Variants in IRS1 observed in about 807,000 individuals in gnomAD.
IRS1 encodes the protein insulin receptor substrate 1.
Under a neutral mutation model 65.6 loss-of-function variants are expected in IRS1, and 34 were observed. The observed-to-expected ratio is 0.52, with a 90% CI of 0.39 to 0.69. IRS1 has a LOEUF of 0.69. Ranked by LOEUF, IRS1 falls within the 30% of genes least tolerant of loss-of-function variation. The pLI, the probability that IRS1 is intolerant of heterozygous loss-of-function variation, is 0.00. For missense variants in IRS1, 1,641 were observed against 1,720.2 expected (o/e 0.95, Z 0.81); for synonymous variants, 699 against 683.5 (o/e 1.02, Z -0.35).
rs750151269 is a variant in IRS1 at position 226,796,792 on chromosome 2, G to A, written c.1947C>T (p.Pro649=). The A allele has an allele frequency of 2.5e-6, 4 of 1,581,994 alleles. No individual in the cohort carries two copies. The highest frequency in any genetic ancestry group is 2.4e-5 in the South Asian group (2 of 84,680). ...SVSAPQQIIN[P]IRRHPQRVDP... is the part of the protein sequence containing the mutation. ...CCACTCTCTGGGGATGGCGTCTGAT[G>A]GGATTGATGATCTGCTGTGGGGCAG... Residue 649 remains proline (P), a synonymous_variant, in exon 1 of 2, where the codon CCC becomes CCT. Transcript: ENST00000305123.
intron 1 of IRS1, among the ~76,000 whole-genome samples, chr2:226,760,045 G>A (rs747980994): frequency 1.3e-4 from 20 of 152,228 alleles, no homozygotes; most frequent in Middle Eastern, 3.4e-3. Context: ...GTGTGGTGGC[G>A]CATGCCTGTA....
intron 1 of IRS1, among the ~76,000 whole-genome samples, chr2:226,743,634 A>C (rs1938484717): frequency 6.6e-6 from 1 of 152,330 alleles, no homozygotes; most frequent in South Asian, 2.1e-4. Context: ...TGTCATACGA[A>C]TGTCTTTCTT....
chr2:226,741,818 C>CACACACAA (rs1490237213), intron 1 of IRS1, among the ~76,000 whole-genome samples: 1 of 136,610 alleles, frequency 7.3e-6, no homozygotes. Flanking sequence ...CACACACACA[C>CACACACAA]ACACACACAT....
chr2:226,759,183 G>T (rs1280764825), intron 1 of IRS1, among the ~76,000 whole-genome samples: 1 of 152,214 alleles, frequency 6.6e-6, no homozygotes, highest in African/African-American at 2.4e-5. Flanking sequence ...CACCCATGTG[G>T]TTTTGAAAGA....
At chr2:226,737,613 CA>C (rs1351097329) in intron 1 of IRS1, among the ~76,000 whole-genome samples, 1 of 152,134 alleles carries the variant, frequency 6.6e-6, no homozygotes, top group Non-Finnish European at 1.5e-5. Context: ...GAAAGGAAGG[CA>C]AGTTCTGTTC....
chr2:226,795,552 G>A lies in IRS1; in HGVS notation c.3187C>T (p.Pro1063Ser). ...GCGCTCATGCCCCCAGGTCCTTGTG[G>A]GCCCCCCAGCAGGGACGAGTGGGCA... ...LAAHSSLLGG[P>S]QGPGGMSAFT... The change falls in exon 1 of 2, where the codon CCA becomes TCA. Residue 1063 changes from proline to serine, a missense_variant. By Grantham distance (74) the Pro-to-Ser change is moderately conservative (BLOSUM62 -1). Transcript: ENST00000305123. 6.2e-7 allele frequency: 1 copy of A among 1,613,068 alleles called. No homozygotes were observed. The highest frequency in any genetic ancestry group is 8.5e-7 in the Non-Finnish European group (1 of 1,179,988).
At position 226,797,335 on chromosome 2, in the gene IRS1, C is replaced by T. The variant is rs1226141763; in HGVS notation, c.1404G>A (p.Met468Ile). Residue 468 changes from methionine (M) to isoleucine (I), a missense_variant, in exon 1 of 2, where the codon ATG becomes ATA. Met to Ile is a conservative substitution (Grantham distance 10, BLOSUM62 1). This residue lies in a region of IRS1 where 1,324 missense variants were observed against 1,361.0 expected (regional missense o/e 0.97). Coordinates refer to ENST00000305123, the MANE Select transcript of IRS1 (RefSeq NM_005544.3). This position sits in a 1 kb window ranked among gnomAD's most constrained non-coding sequence, Gnocchi z 8.1. ...TCAGGGTGGAGGGCCCCTTGCCACC[C>T]ATGCAGATATAGTTGCTTAGCTCCT... ...GEEELSNYICMGGKGPSTLTA... is the reference protein window; with the variant it reads ...GEEELSNYICIGGKGPSTLTA... 1.7e-5 allele frequency: 27 copies of T among 1,613,402 alleles called. No homozygotes were observed. In the East Asian group the frequency reaches 5.8e-4, roughly 35 times the overall value.
intron 1 of IRS1, among the ~76,000 whole-genome samples, chr2:226,747,713 A>G (rs913373852): frequency 1.3e-5 from 2 of 152,176 alleles, no homozygotes; most frequent in African/African-American, 2.4e-5. Context: ...AAACACGCTC[A>G]TGAGGCTCAA....
intron 1 of IRS1, among the ~76,000 whole-genome samples, chr2:226,766,163 A>ATATATATTTTTT (rs58592685): frequency 2.2e-4 from 1 of 4,596 alleles, no homozygotes; most frequent in African/African-American, 5.5e-4. Context: ...ATATATATAT[A>ATATATATTTTTT]TTTTTTTTTT....
At chr2:226,746,058 G>T (rs1435706825) in intron 1 of IRS1, among the ~76,000 whole-genome samples, 2 of 151,324 alleles carry the variant, frequency 1.3e-5, no homozygotes, top group Non-Finnish European at 2.9e-5. Context: ...TAGCATTCAC[G>T]TACAAAGGGG....
chr2:226,794,040 A>G lies in IRS1; in HGVS notation c.*21+949T>C, dbSNP rs886292391. ...GTATACAGTTTAGCCCTTCTACTCA[A>G]TGCAAAACAAAACAAATTAAGGCAT... On this transcript the variant is annotated intron_variant, in intron 1 of 1. Coordinates refer to ENST00000305123, the MANE Select transcript of IRS1 (RefSeq NM_005544.3). The surrounding 1 kb of genome is among the most constrained non-coding windows in gnomAD (Gnocchi z 4.1). 1.3e-5 allele frequency among the ~76,000 whole-genome samples: 2 copies of G among 152,240 alleles called. No individual in the cohort carries two copies. The highest frequency in any genetic ancestry group is 4.8e-5 in the African/African-American group (2 of 41,456).
At chr2:226,759,723 T>A (rs1472961922) in intron 1 of IRS1, among the ~76,000 whole-genome samples, 1 of 152,152 alleles carries the variant, frequency 6.6e-6, no homozygotes, top group Non-Finnish European at 1.5e-5. Context: ...TTGATATAAC[T>A]TAAAACTACA....
At chr2:226,789,308 G>T (rs913819940) in intron 1 of IRS1, among the ~76,000 whole-genome samples, 1 of 152,150 alleles carries the variant, frequency 6.6e-6, no homozygotes, top group Non-Finnish European at 1.5e-5. Context: ...GGACAAAAAA[G>T]GTCGGAGCTT....
rs776597605 is a variant in IRS1 at position 226,794,360 on chromosome 2, TGA to T, written c.*21+627_*21+628del. ...AGAACGTCACCCATAATTACTTTCT[TGA>T]GAGATCACAAAATAGATAGGTACTT... On this transcript the variant is annotated intron_variant, in intron 1 of 1. Coordinates refer to ENST00000305123, the MANE Select transcript of IRS1 (RefSeq NM_005544.3). The surrounding 1 kb of genome is among the most constrained non-coding windows in gnomAD (Gnocchi z 4.1). Among the ~76,000 whole-genome samples, 81 of 152,224 alleles carry T rather than the reference TGA, an allele frequency of 5.3e-4. No individual in the cohort carries two copies. Among genetic ancestry groups the T allele is most frequent in the South Asian group, 6.2e-4 (3 of 4,824 alleles).
chr2:226,743,801 A>T (rs1330836177), intron 1 of IRS1, among the ~76,000 whole-genome samples: 4 of 152,154 alleles, frequency 2.6e-5, no homozygotes, highest in African/African-American at 7.2e-5. Context: ...TCTGGCTTTG[A>T]TACAAACCAG....
intron 1 of IRS1, among the ~76,000 whole-genome samples, chr2:226,743,972 T>C (rs962866365): frequency 2.6e-5 from 4 of 152,252 alleles, no homozygotes; most frequent in Non-Finnish European, 5.9e-5. Context: ...CTTTGCCCTC[T>C]CCCTGGAGTC....
At chr2:226,783,771 T>C (rs1166547422) in intron 1 of IRS1, among the ~76,000 whole-genome samples, 1 of 152,210 alleles carries the variant, frequency 6.6e-6, no homozygotes, top group Non-Finnish European at 1.5e-5. Context: ...GTATCTCTAT[T>C]TTATCCCCTT....
At chr2:226,779,390 A>G (rs1939337656) in intron 1 of IRS1, among the ~76,000 whole-genome samples, 1 of 152,236 alleles carries the variant, frequency 6.6e-6, no homozygotes, top group Non-Finnish European at 1.5e-5. Context: ...TCCAACATTC[A>G]TTCATTATTT....
chr2:226,794,000 C>A (rs1939658535), intron 1 of IRS1, among the ~76,000 whole-genome samples: 1 of 152,176 alleles, frequency 6.6e-6, no homozygotes, highest in Non-Finnish European at 1.5e-5. Context: ...CAGCAAATAA[C>A]CCTAAAAGTG....
Sources: allele counts gnomAD v4.1 joint callset (sites outside exome capture counted in the v4.1 genomes callset), GRCh38; gene constraint gnomAD v4.1.1; regional missense constraint gnomAD v4.1.1; non-coding constraint Gnocchi (gnomAD v3.1); transcripts MANE v1.5; gene names NCBI Gene and HGNC (gene_info 2026-07-23, HGNC 2026-07-21).